RASA1: variants seen among roughly 807,000 people sequenced by gnomAD.
RASA1 encodes the protein RAS p21 protein activator 1.
A neutral mutation model predicts 132.2 loss-of-function variants in RASA1; 25 were observed. That is an observed-to-expected ratio of 0.19 (90% CI 0.14 to 0.26). The LOEUF is 0.26. Ranked by LOEUF, RASA1 falls within the 10% of genes least tolerant of loss-of-function variation. The probability of loss-of-function intolerance (pLI) is 1.00; values close to 1 mark genes in which losing one functional copy is unlikely to be tolerated. For synonymous variants in RASA1, 477 were observed against 449.9 expected (o/e 1.06, Z -0.76); for missense variants, 964 against 1,299.2 (o/e 0.74, Z 3.97).
Position 87,268,568 on chromosome 5 carries a change from C to G in RASA1, c.117C>G (p.Pro39=), listed in dbSNP as rs1355856058. ...CCGCAGTGTGTCGGGTGAAGATACC[C>G]GCGGCCCTGCCTGTGGCAGCCGCCC... The part of the protein sequence containing the change: ...AYPAVCRVKI[P]AALPVAAAPY... Residue 39 remains proline (P), a synonymous_variant, in exon 1 of 25, where the codon CCC becomes CCG. Transcript: ENST00000274376. 2 of 1,607,302 alleles carry G rather than the reference C, an allele frequency of 1.2e-6. No individual in the cohort carries two copies. The highest frequency in any genetic ancestry group is 1.7e-6 in the Non-Finnish European group (2 of 1,177,922).
At chr5:87,274,271 A>G (rs1366119880) in intron 1 of RASA1, among the ~76,000 whole-genome samples, 2 of 152,224 alleles carry the variant, frequency 1.3e-5, no homozygotes, top group African/African-American at 4.8e-5. Context: ...GGAAAAGAAA[A>G]TAAGGAATGT....
intron 1 of RASA1, among the ~76,000 whole-genome samples, chr5:87,270,446 C>G: frequency 6.7e-6 from 1 of 149,670 alleles, no homozygotes. Flanking sequence ...CTCCCGGGTT[C>G]AAGAGATTCT....
intron 8 of RASA1, among the ~76,000 whole-genome samples, chr5:87,350,432 A>G (rs1360798421): frequency 6.6e-6 from 1 of 151,842 alleles, no homozygotes; most frequent in Non-Finnish European, 1.5e-5. Flanking sequence ...TGCACTGAAA[A>G]TATATCATCT....
chr5:87,333,605 G>A (rs2112372460), intron 4 of RASA1, among the ~76,000 whole-genome samples: 1 of 152,130 alleles, frequency 6.6e-6, no homozygotes, highest in East Asian at 1.9e-4. Context: ...GGAGAGTTCT[G>A]CTTCAATCTA....
intron 1 of RASA1, among the ~76,000 whole-genome samples, chr5:87,302,081 G>A (rs1652528402): frequency 6.6e-6 from 1 of 152,092 alleles, no homozygotes; most frequent in South Asian, 2.1e-4. Context: ...CTGGGTCATA[G>A]GATGTTCATA....
chr5:87,329,507 A>C (rs1407785321), intron 1 of RASA1, among the ~76,000 whole-genome samples: 1 of 152,130 alleles, frequency 6.6e-6, no homozygotes, highest in Admixed American at 6.6e-5. Flanking sequence ...TAAAATCATA[A>C]GTTGGATATT....
At chr5:87,291,439 G>A (rs1436518771) in intron 1 of RASA1, among the ~76,000 whole-genome samples, 1 of 152,208 alleles carries the variant, frequency 6.6e-6, no homozygotes, top group African/African-American at 2.4e-5. Flanking sequence ...ACCGAGTGGG[G>A]AGGATCACTT....
chr5:87,378,613 A>G, intron 18 of RASA1, 75 bp downstream of exon 18: 3 of 1,400,936 alleles, frequency 2.1e-6, no homozygotes, highest in Non-Finnish European at 3.0e-6. Flanking sequence ...AGCCAATTAC[A>G]TTTTAAGGAA....
intron 9 of RASA1, among the ~76,000 whole-genome samples, chr5:87,354,117 C>T (rs1464556155): frequency 6.6e-6 from 1 of 151,408 alleles, no homozygotes; most frequent in Non-Finnish European, 1.5e-5. Context: ...ATAGCTACTA[C>T]TTATTGCAGT....
rs115805233 is a variant in RASA1, at chr5:87,340,472, G to T, written c.1018-818G>T. Among the ~76,000 whole-genome samples the T allele has an allele frequency of 7.6e-3, 1,155 of 151,780 alleles. 17 individuals are homozygous for T. Among genetic ancestry groups the T allele is most frequent in the African/African-American group, 0.027 (1,135 of 41,438 alleles). ...ATATAGTAACATTCAGTGAGTGTTT[G>T]ATTTTAGTTTGATTAGGTATTTAAT... On this transcript the variant is annotated intron_variant, in intron 5 of 24. Coordinates refer to ENST00000274376, the MANE Select transcript of RASA1 (RefSeq NM_002890.3).
intron 1 of RASA1, among the ~76,000 whole-genome samples, chr5:87,327,826 G>A (rs1190524355): frequency 6.6e-6 from 1 of 152,048 alleles, no homozygotes; most frequent in Non-Finnish European, 1.5e-5. Context: ...TTAGCCGGAT[G>A]TGGTGGCACA....
chr5:87,288,950 A>G (rs185211388), intron 1 of RASA1, among the ~76,000 whole-genome samples: 1 of 152,318 alleles, frequency 6.6e-6, no homozygotes, highest in African/African-American at 2.4e-5. Flanking sequence ...TAAGGACAAT[A>G]GCCTACAAAA....
intron 1 of RASA1, among the ~76,000 whole-genome samples, chr5:87,308,107 G>T (rs1755705550): frequency 6.6e-6 from 1 of 151,958 alleles, no homozygotes; most frequent in Non-Finnish European, 1.5e-5. Flanking sequence ...TTTATGACCA[G>T]AATCCTGGCC....
chr5:87,298,106 T>C (rs1755199138), intron 1 of RASA1, among the ~76,000 whole-genome samples: 1 of 152,038 alleles, frequency 6.6e-6, no homozygotes, highest in Admixed American at 6.6e-5. Context: ...TTAATCTTCT[T>C]ACATGTAAAG....
intron 1 of RASA1, among the ~76,000 whole-genome samples, chr5:87,271,328 G>A (rs546025385): frequency 6.6e-6 from 1 of 151,762 alleles, no homozygotes; most frequent in African/African-American, 2.4e-5. Context: ...AGCATGCTTG[G>A]TACAATGGTT....
At chr5:87,372,286 C>A (rs1278046361) in intron 13 of RASA1, 91 bp downstream of exon 13, 3 of 1,199,924 alleles carry the variant, frequency 2.5e-6, no homozygotes, top group Non-Finnish European at 2.4e-6. Flanking sequence ...CTGTTTTGGA[C>A]ATCATATGGG....
intron 18 of RASA1, among the ~76,000 whole-genome samples, chr5:87,379,000 T>C (rs1453382992): frequency 6.6e-6 from 1 of 152,170 alleles, no homozygotes; most frequent in Non-Finnish European, 1.5e-5. Flanking sequence ...TATAAATTCA[T>C]AATACACTAT....
intron 1 of RASA1, among the ~76,000 whole-genome samples, chr5:87,295,391 CCT>C (rs1248924987): frequency 2.0e-5 from 3 of 150,846 alleles, no homozygotes; most frequent in Non-Finnish European, 4.4e-5. Flanking sequence ...TATTTGTTGC[CCT>C]GTTTCTTTGT....
At chr5:87,333,231 T>G (rs1177139439) in intron 3 of RASA1, 36 bp from the exon 4 acceptor site, 1 of 1,607,362 alleles carries the variant, frequency 6.2e-7, no homozygotes, top group Non-Finnish European at 8.5e-7. Context: ...ATAAAAAGAC[T>G]ATCTTTTTAA....
Sources: gnomAD v4.1 joint callset for allele counts (sites outside exome capture counted in the v4.1 genomes callset) on GRCh38, gnomAD v4.1.1 for gene constraint, MANE v1.5 for transcripts, NCBI Gene and HGNC (gene_info 2026-07-23, HGNC 2026-07-21) for gene names.